The following NALF1 variants were observed in gnomAD, a reference collection of about 807,000 sequenced individuals.
The protein encoded by NALF1 is family with sequence similarity 155 member A.
In NALF1, 3 loss-of-function variants were observed where a neutral mutation model predicts 48.4. The observed-to-expected ratio is 0.06, with a 90% CI of 0.03 to 0.16. The LOEUF is 0.16. Among genes scored for constraint, NALF1 ranks in the 10% least tolerant of loss-of-function variants. The pLI, the probability that NALF1 is intolerant of heterozygous loss-of-function variation, is 1.00. For synonymous variants in NALF1, 262 were observed against 245.7 expected, an observed-to-expected ratio of 1.07 and a Z score of -0.62; for missense variants, 526 against 571.5, an observed-to-expected ratio of 0.92 and a Z score of 0.81.
chr13:107,759,852 C>G (rs9587435), intron 1 of NALF1, among the ~76,000 whole-genome samples: 4 of 152,022 alleles, frequency 2.6e-5, no homozygotes, highest in East Asian at 1.9e-4. Context: ...GTTGTCCCCC[C>G]CATCCTCCAG....
intron 1 of NALF1, among the ~76,000 whole-genome samples, chr13:107,496,990 G>C (rs1007910383): frequency 6.6e-6 from 1 of 152,080 alleles, no homozygotes; most frequent in African/African-American, 2.4e-5. Context: ...ACCATATCAG[G>C]AAACAAAGAT....
chr13:107,408,749 G>A (rs1485634337), intron 1 of NALF1, among the ~76,000 whole-genome samples: 1 of 152,084 alleles, frequency 6.6e-6, no homozygotes, highest in African/African-American at 2.4e-5. Flanking sequence ...TACTGAGAGA[G>A]AAAGGCATAT....
At position 107,866,338 on chromosome 13, in the gene NALF1, TCTGCTGCTGCTGCTGCTGCTG is replaced by T. The variant is rs756515049; in HGVS notation, c.238_258del (p.Gln80_Gln86del). 1.4e-5 allele frequency: 22 copies of T among 1,598,686 alleles called. No individual in the cohort carries two copies. Among genetic ancestry groups the T allele is most frequent in the South Asian group, 3.3e-5 (3 of 89,748 alleles). ...TGCTGCTGCTGCTGCTGCCGCTGCC[TCTGCTGCTGCTGCTGCTGCTG>T]CTGCTGCCGCTGCTGCTGCTGGTGC... On this transcript the variant is annotated inframe_deletion, in exon 1 of 3. Transcript: ENST00000375915. This position sits in a 1 kb window ranked among gnomAD's most constrained non-coding sequence, Gnocchi z 4.4.
intron 1 of NALF1, among the ~76,000 whole-genome samples, chr13:107,757,364 G>A (rs1191804882): frequency 6.7e-5 from 10 of 148,980 alleles, no homozygotes; most frequent in African/African-American, 2.2e-4. Flanking sequence ...GAAATGAAGA[G>A]TAACATTATG....
intron 1 of NALF1, among the ~76,000 whole-genome samples, chr13:107,380,932 C>T (rs190678834): frequency 0.019 from 2,737 of 145,046 alleles, 36 homozygotes; most frequent in South Asian, 0.054. Context: ...GAGCAGAGAT[C>T]GTGCCACTGC....
chr13:107,171,655 A>G (rs1404147216), intron 2 of NALF1, among the ~76,000 whole-genome samples: 3 of 152,228 alleles, frequency 2.0e-5, no homozygotes, highest in Non-Finnish European at 1.5e-5. Context: ...GAAGTGGTGA[A>G]AAGAATAAAA....
intron 1 of NALF1, among the ~76,000 whole-genome samples, chr13:107,622,433 C>G (rs1204466888): frequency 6.7e-6 from 1 of 149,122 alleles, no homozygotes; most frequent in African/African-American, 2.5e-5. Context: ...AACAGCAAAA[C>G]TGTCTCAAAA....
intron 1 of NALF1, among the ~76,000 whole-genome samples, chr13:107,272,839 AT>A (rs1566471095): frequency 6.6e-6 from 1 of 152,254 alleles, no homozygotes; most frequent in Non-Finnish European, 1.5e-5. Flanking sequence ...ATGTCAACAC[AT>A]TTGTTAAAAC....
At chr13:107,225,581 G>A (rs978501801) in intron 1 of NALF1, among the ~76,000 whole-genome samples, 8 of 150,980 alleles carry the variant, frequency 5.3e-5, no homozygotes, top group African/African-American at 1.7e-4. Context: ...CTGGCCTCAG[G>A]TGACATTTAA....
intron 1 of NALF1, among the ~76,000 whole-genome samples, chr13:107,297,131 C>G (rs1400393862): frequency 6.6e-6 from 1 of 152,036 alleles, no homozygotes; most frequent in Admixed American, 6.5e-5. Flanking sequence ...ATGTAATGGG[C>G]TTCTCCTCCA....
chr13:107,232,511 T>A (rs1223841123), intron 1 of NALF1, among the ~76,000 whole-genome samples: 2 of 152,228 alleles, frequency 1.3e-5, no homozygotes, highest in Non-Finnish European at 2.9e-5. Flanking sequence ...TACATTATCC[T>A]AATCACAAAT....
intron 1 of NALF1, among the ~76,000 whole-genome samples, chr13:107,349,449 T>C (rs919408366): frequency 6.6e-6 from 1 of 151,986 alleles, no homozygotes; most frequent in African/African-American, 2.4e-5. Flanking sequence ...TGAGAGGAGA[T>C]AAGAAACTGA....
intron 1 of NALF1, among the ~76,000 whole-genome samples, chr13:107,245,789 T>C (rs939871658): frequency 6.6e-6 from 1 of 152,174 alleles, no homozygotes; most frequent in Non-Finnish European, 1.5e-5. Flanking sequence ...TAAGCACCCA[T>C]TCACCATTGA....
intron 1 of NALF1, among the ~76,000 whole-genome samples, chr13:107,501,209 C>T (rs535041620): frequency 9.2e-5 from 14 of 152,230 alleles, no homozygotes; most frequent in African/African-American, 3.1e-4. Context: ...GGAGAACTCA[C>T]TCCAGTATGT....
chr13:107,583,654 C>T (rs1878374558), intron 1 of NALF1, among the ~76,000 whole-genome samples: 1 of 152,140 alleles, frequency 6.6e-6, no homozygotes, highest in African/African-American at 2.4e-5. Flanking sequence ...TATCAGCATT[C>T]TCTTACCTAA....
intron 1 of NALF1, among the ~76,000 whole-genome samples, chr13:107,428,872 A>C (rs1460353754): frequency 6.6e-6 from 1 of 152,210 alleles, no homozygotes; most frequent in Non-Finnish European, 1.5e-5. Context: ...TATTTGAAGA[A>C]CCTTCCATAT....
intron 1 of NALF1, among the ~76,000 whole-genome samples, chr13:107,355,513 A>G (rs938211845): frequency 8.5e-5 from 13 of 152,126 alleles, no homozygotes; most frequent in African/African-American, 3.1e-4. Context: ...TTACAATAGA[A>G]TTGTAGTTCC....
chr13:107,818,820 C>G (rs927337180), intron 1 of NALF1, among the ~76,000 whole-genome samples: 2 of 124,766 alleles, frequency 1.6e-5, no homozygotes, highest in African/African-American at 3.5e-5. Context: ...TGCAGTGAGC[C>G]GAGATCGCGC....
chr13:107,838,236 G>T (rs555177156), intron 1 of NALF1, among the ~76,000 whole-genome samples: 1 of 152,176 alleles, frequency 6.6e-6, no homozygotes, highest in South Asian at 2.1e-4. Context: ...GCACCTGGGG[G>T]ATTGTCAGAA....
Sources: allele counts gnomAD v4.1 joint callset (sites outside exome capture counted in the v4.1 genomes callset), GRCh38; gene constraint gnomAD v4.1.1; non-coding constraint Gnocchi (gnomAD v3.1); transcripts MANE v1.5; gene names NCBI Gene and HGNC (gene_info 2026-07-23, HGNC 2026-07-21).